FAM234A: variants seen among roughly 807,000 people sequenced by gnomAD.
FAM234A encodes family with sequence similarity 234 member A, also known as protein FAM234A.
A neutral mutation model predicts 49.1 loss-of-function variants in FAM234A; 42 were observed. That is an observed-to-expected ratio of 0.86 (90% CI 0.67 to 1.11). The LOEUF (loss-of-function observed/expected upper bound fraction) is 1.11, where lower values mean the gene tolerates loss of function less well. FAM234A is among the 50% of genes least tolerant of loss of function. FAM234A has a pLI of 0.00. For missense variants in FAM234A, 815 were observed against 745.2 expected, an observed-to-expected ratio of 1.09 and a Z score of -1.09; for synonymous variants, 369 against 316.2, an observed-to-expected ratio of 1.17 and a Z score of -1.77.
chr16:267,653 A>ACAC (rs149926485), downstream of FAM234A, among the ~76,000 whole-genome samples: 426 of 83,058 alleles, frequency 5.1e-3, no homozygotes, highest in East Asian at 0.018. Flanking sequence ...ACACGTGCAC[A>ACAC]CACATATGCA....
intron 1 of FAM234A, among the ~76,000 whole-genome samples, chr16:241,895 G>A (rs1246093479): frequency 7.9e-6 from 1 of 127,262 alleles, no homozygotes; most frequent in Non-Finnish European, 1.6e-5. Context: ...GACAGAGCGA[G>A]ACAACGTCTC....
rs1179981443 is a variant in FAM234A, at chr16:239,360, TC to T, written c.-140+4506del. On this transcript the variant is annotated intron_variant, in intron 1 of 12. Transcript: ENST00000399932. ...CGGATGCGGTGGCTCACGCCTGTAA[TC>T]CCAGCACTTTGGGAGGCTGAGGTGG... is the stretch of plus-strand genomic sequence containing the variant. Among the ~76,000 whole-genome samples the T allele has an allele frequency of 2.0e-5, 3 of 150,810 alleles. No homozygotes were observed. In the Admixed American group the frequency reaches 2.0e-4, roughly 10 times the overall value.
At chr16:251,682 T>G (rs1056418437) in intron 2 of FAM234A, among the ~76,000 whole-genome samples, 14 of 135,122 alleles carry the variant, frequency 1.0e-4, no homozygotes, top group Non-Finnish European at 2.0e-4. Flanking sequence ...TAGCCAGGTT[T>G]TTTTTTTTTT....
At chr16:235,319 C>T (rs781014250) in intron 1 of FAM234A, among the ~76,000 whole-genome samples, 1 of 152,004 alleles carries the variant, frequency 6.6e-6, no homozygotes, top group Non-Finnish European at 1.5e-5. Context: ...AGAGGCGTGT[C>T]CTCTCTCGGG....
At chr16:261,115 A>G in intron 5 of FAM234A, 1 of 374,644 alleles carries the variant, frequency 2.7e-6, no homozygotes, top group Non-Finnish European at 5.0e-6. Flanking sequence ...TGCGGTTCCC[A>G]GGAATGAGGC....
At chr16:236,282 C>T (rs1596721019) in intron 1 of FAM234A, among the ~76,000 whole-genome samples, 2 of 151,878 alleles carry the variant, frequency 1.3e-5, no homozygotes, top group South Asian at 4.2e-4. Context: ...GCTCCACCCT[C>T]CTGAGTATCT....
chr16:251,861 G>C (rs1488906941), intron 2 of FAM234A, among the ~76,000 whole-genome samples: 2 of 151,014 alleles, frequency 1.3e-5, no homozygotes, highest in African/African-American at 4.8e-5. Flanking sequence ...AAATTAGCCA[G>C]GCATGGTGGC....
chr16:238,267 T>C (rs2050471879), intron 1 of FAM234A, among the ~76,000 whole-genome samples: 1 of 152,068 alleles, frequency 6.6e-6, no homozygotes, highest in Non-Finnish European at 1.5e-5. Flanking sequence ...GATCTGCCCA[T>C]CTTGGCTTCC....
Position 261,399 on chromosome 16 carries a change from A to C in FAM234A, c.593A>C (p.Asn198Thr). 1 of 1,612,280 alleles carries C rather than the reference A, an allele frequency of 6.2e-7. No individual in the cohort carries two copies. The highest frequency in any genetic ancestry group is 8.5e-7 in the Non-Finnish European group (1 of 1,178,764). The change falls in exon 6 of 13, where the codon AAC (asparagine) becomes ACC (threonine). Residue 198 changes from asparagine (N) to threonine (T), a missense_variant. Transcript: ENST00000399932. ...VNLFTGETLW[N>T]HSSSFSGNAS... is the part of the protein sequence containing the mutation. ...TTGATTCTAGGGGAAACCCTGTGGA[A>C]CCACAGCAGCAGCTTCAGCGGGAAT...
At chr16:236,628 C>T (rs1405667066) in intron 1 of FAM234A, among the ~76,000 whole-genome samples, 8 of 121,054 alleles carry the variant, frequency 6.6e-5, no homozygotes, top group African/African-American at 1.2e-4. Flanking sequence ...ATAAATAGGC[C>T]GGGCGCGGTG....
At position 246,241 on chromosome 16, in the gene FAM234A, G is replaced by A. The variant is rs921420153; in HGVS notation, c.-139-3308G>A. Among the ~76,000 whole-genome samples the A allele has an allele frequency of 7.4e-5, 11 of 148,340 alleles. No individual in the cohort carries two copies. The Admixed American group carries it at 7.4e-4, about 10-fold the overall frequency. ...AAAAAATAATAATAATAATAATAATGTTTACATTTTTAATTCATTTGGAGT... is the reference window on the plus strand; with the variant it reads ...AAAAAATAATAATAATAATAATAATATTTACATTTTTAATTCATTTGGAGT... On this transcript the variant is annotated intron_variant, in intron 1 of 12. Coordinates refer to ENST00000399932, the MANE Select transcript of FAM234A (RefSeq NM_032039.4).
At chr16:254,978 C>T (rs1021674449) in intron 3 of FAM234A, among the ~76,000 whole-genome samples, 7 of 152,226 alleles carry the variant, frequency 4.6e-5, no homozygotes, top group Non-Finnish European at 7.3e-5. Flanking sequence ...GCCTCAGCCT[C>T]CCAAATAGCT....
Position 234,831 on chromosome 16 carries a change from C to G in FAM234A, c.-166C>G, listed in dbSNP as rs942132453. ...ACGCCAGGGGGCGGGGCCAGCGGCG[C>G]GGTCGGGTGAGAGGCCGCGGCGGCA... On this transcript the variant is annotated 5_prime_UTR_variant, in exon 1 of 13. Coordinates refer to ENST00000399932, the MANE Select transcript of FAM234A (RefSeq NM_032039.4). The G allele has an allele frequency of 6.5e-6, 1 of 152,866 alleles. No homozygotes were observed. The highest frequency in any genetic ancestry group is 6.5e-5 in the Admixed American group (1 of 15,274). The allele number at this position is 152,866 out of a possible 1,614,324, so 9.5% of individuals were successfully genotyped here. A position where few individuals can be genotyped will look rare whatever the true frequency, so the allele number is the denominator to read the frequency against.
intron 6 of FAM234A, 48 bp from the exon 7 acceptor site, chr16:262,045 C>T (rs1411934735): frequency 1.3e-6 from 2 of 1,591,450 alleles, no homozygotes; most frequent in Admixed American, 3.4e-5. Context: ...GTCCTTGCAG[C>T]CCCAGGCTCA....
rs920367043 is a variant in FAM234A at position 259,976 on chromosome 16, C to T, written c.393C>T (p.Ser131=). The T allele has an allele frequency of 1.2e-6, 2 of 1,613,044 alleles. No homozygotes were observed. Among genetic ancestry groups the T allele is most frequent in the Non-Finnish European group, 1.7e-6 (2 of 1,179,816 alleles). The change falls in exon 5 of 13, where the codon TCC becomes TCT. Residue 131 remains serine (S), a synonymous_variant. Transcript: ENST00000399932. ...CGGTGTCTCTCCCTACAGGCTTTTC[C>T]TCTCCCTGCACCTTTGCAGCTGCTG... ...FSRSCVDEGF[S]SPCTFAAAVS...
In FAM234A at chr16:262,528, A is replaced by T. The variant is rs1207506216; in HGVS notation, c.946A>T (p.Thr316Ser). Residue 316 changes from threonine to serine, a missense_variant, in exon 8 of 13, where the codon ACC becomes TCC. Physicochemically the swap from Thr to Ser is moderately conservative, Grantham distance 58 (BLOSUM62 1). Transcript: ENST00000399932. ...DPHWESMLNATTRRMLSHSSG... is the reference protein window; with the variant it reads ...DPHWESMLNASTRRMLSHSSG... ...GCACTGGGAGAGCATGCTCAATGCCACCACCCGCAGGATGCTTTCCCACAG... is the reference window on the plus strand; with the variant it reads ...GCACTGGGAGAGCATGCTCAATGCCTCCACCCGCAGGATGCTTTCCCACAG... The T allele has an allele frequency of 6.2e-7, 1 of 1,608,740 alleles. No individual in the cohort carries two copies. The highest frequency in any genetic ancestry group is 8.5e-7 in the Non-Finnish European group (1 of 1,177,812).
chr16:258,853 G>A (rs983381336), intron 3 of FAM234A, among the ~76,000 whole-genome samples: 3 of 152,136 alleles, frequency 2.0e-5, no homozygotes, highest in African/African-American at 2.4e-5. Context: ...GTGCAATCTC[G>A]CTCACTGCAA....
chr16:269,365 C>G (rs367631452), downstream of FAM234A: 36 of 1,603,320 alleles, frequency 2.2e-5, no homozygotes, highest in Non-Finnish European at 2.7e-5. Context: ...GCCGTGGCCT[C>G]CACGTAAACG....
rs1462621841 is a variant in FAM234A at position 263,361 on chromosome 16, G to C, written c.1071G>C (p.Glu357Asp). The C allele has an allele frequency of 2.5e-6, 4 of 1,612,352 alleles. No homozygotes were observed. In the African/African-American group the frequency reaches 5.3e-5, roughly 22 times the overall value. The change falls in exon 9 of 13, where the codon GAG (glutamate) becomes GAC (aspartate). Residue 357 changes from glutamate to aspartate, a missense_variant. By Grantham distance (45) the Glu-to-Asp change is conservative. Transcript: ENST00000399932. ...SEAFVLLDGQ[E>D]LTPRWTPKAA... ...CCTTCGTGCTGCTGGACGGGCAGGA[G>C]CTGACGCCTCGCTGGACACCCAAGG...
Sources: gnomAD v4.1 joint callset for allele counts (sites outside exome capture counted in the v4.1 genomes callset) on GRCh38, gnomAD v4.1.1 for gene constraint, MANE v1.5 for transcripts, NCBI Gene and HGNC (gene_info 2026-07-23, HGNC 2026-07-21) for gene names.